Variants in IGF2R observed in about 807,000 individuals in gnomAD.
IGF2R encodes insulin like growth factor 2 receptor, also known as cation-independent mannose-6-phosphate receptor.
IGF2R carries 91 observed loss-of-function variants against 270.6 expected under a neutral mutation model. The observed-to-expected ratio is 0.34, with a 90% CI of 0.28 to 0.40. The LOEUF is 0.40. IGF2R is among the 10% of genes least tolerant of loss of function. The pLI is 1.00. For synonymous variants in IGF2R, 1,316 were observed against 1,258.9 expected, an observed-to-expected ratio of 1.05 and a Z score of -0.96; for missense variants, 2,805 against 3,188.3, an observed-to-expected ratio of 0.88 and a Z score of 2.90.
rs1282991821 is a variant in IGF2R at position 160,089,174 on chromosome 6, C to T, written c.6388C>T (p.Gln2130Ter). 2 of 1,613,936 alleles carry T rather than the reference C, an allele frequency of 1.2e-6. No homozygotes were observed. The highest frequency in any genetic ancestry group is 1.3e-5 in the African/African-American group (1 of 74,926). Residue 2130 changes from glutamine (Q) to a stop codon, truncating the protein, a stop_gained, in exon 43 of 48, where the codon CAG becomes TAG. Transcript: ENST00000356956. LOFTEE classifies it high-confidence loss of function. ...CCGGGCTGCCTGCGCCGTGAAGCCT[C>T]AGGAGGTGCAGATGGTGAATGGGAC... ...DSRAACAVKP[Q>*]EVQMVNGTIT...
chr6:160,034,148 T>C (rs8191768), intron 9 of IGF2R, among the ~76,000 whole-genome samples: 55 of 152,346 alleles, frequency 3.6e-4, no homozygotes, highest in African/African-American at 1.3e-3. Context: ...AATCTAAAAG[T>C]GAGAACAAGA....
chr6:160,048,615 C>A, intron 18 of IGF2R, 72 bp downstream of exon 18: 1 of 1,484,190 alleles, frequency 6.7e-7, no homozygotes, highest in Non-Finnish European at 9.2e-7. Flanking sequence ...GGTGGTTATT[C>A]TGGGACATCC....
chr6:160,078,462 G>A, intron 37 of IGF2R, 100 bp downstream of exon 37: 1 of 1,164,586 alleles, frequency 8.6e-7, no homozygotes, highest in South Asian at 1.4e-5. Flanking sequence ...CCTGTGAGCT[G>A]AGAGGGTGTA....
intron 36 of IGF2R, among the ~76,000 whole-genome samples, chr6:160,077,048 G>A (rs755049330): frequency 5.9e-5 from 9 of 152,158 alleles, no homozygotes; most frequent in Non-Finnish European, 1.0e-4. Context: ...AAGTGACCTG[G>A]CAGCCGCCTG....
chr6:159,990,958 C>A (rs953073996), intron 1 of IGF2R, among the ~76,000 whole-genome samples: 9 of 152,154 alleles, frequency 5.9e-5, no homozygotes, highest in African/African-American at 2.2e-4. Flanking sequence ...TCTTTGAGTC[C>A]TGAGGTAGCT....
At chr6:160,000,842 T>C (rs1784118374) in intron 2 of IGF2R, among the ~76,000 whole-genome samples, 2 of 150,824 alleles carry the variant, frequency 1.3e-5, no homozygotes, top group African/African-American at 2.4e-5. Flanking sequence ...TTTAAGCGAT[T>C]CTCCTGCTTC....
chr6:159,986,740 CT>C (rs34584468), intron 1 of IGF2R, among the ~76,000 whole-genome samples: 46,198 of 144,294 alleles, frequency 0.32, 7,341 homozygotes, highest in East Asian at 0.53. Context: ...ATATTGATCT[CT>C]TTTTTTTTTT....
rs1362340652 is a variant in IGF2R at position 160,068,324 on chromosome 6, G to A, written c.4191G>A (p.Thr1397=). The A allele has an allele frequency of 9.9e-6, 16 of 1,614,236 alleles. No homozygotes were observed. Among genetic ancestry groups the A allele is most frequent in the East Asian group, 2.2e-5 (1 of 44,888 alleles). Residue 1397 remains threonine, a synonymous_variant, in exon 30 of 48, where the codon ACG becomes ACA. Transcript: ENST00000356956. The part of the protein sequence containing the change: ...YSDNWEAITG[T]GDPEHYLINV... ...ACAACTGGGAAGCCATCACTGGGAC[G>A]GGGGACCCGGAGCACTACCTCATCA...
chr6:160,054,733 T>C (rs1420294215), intron 19 of IGF2R, among the ~76,000 whole-genome samples: 1 of 152,216 alleles, frequency 6.6e-6, no homozygotes, highest in Admixed American at 6.5e-5. Context: ...TATTTTCATT[T>C]CTTATTACCT....
intron 45 of IGF2R, among the ~76,000 whole-genome samples, chr6:160,099,460 A>G (rs1044814679): frequency 3.3e-5 from 5 of 152,032 alleles, no homozygotes; most frequent in African/African-American, 1.2e-4. Flanking sequence ...TCTGCCTCCC[A>G]GGTTCACGCC....
At position 160,102,604 on chromosome 6, in the gene IGF2R, C is replaced by T. The variant is rs1370534057; in HGVS notation, c.6928C>T (p.Leu2310Phe). 2.5e-6 allele frequency: 4 copies of T among 1,613,546 alleles called. No homozygotes were observed. Among genetic ancestry groups the T allele is most frequent in the Non-Finnish European group, 1.7e-6 (2 of 1,179,812 alleles). The part of the protein sequence containing the change: ...SERSQAVGAV[L>F]SLLLVALTCC... Reference sequence around the variant, plus strand: ...ACGGAGCCAGGCAGTCGGCGCGGTGCTCAGCCTGCTGCTGGTGGCGCTCAC... The same window carrying T: ...ACGGAGCCAGGCAGTCGGCGCGGTGTTCAGCCTGCTGCTGGTGGCGCTCAC... Residue 2310 changes from leucine to phenylalanine, a missense_variant, in exon 46 of 48, where the codon CTC becomes TTC. Physicochemically the swap from Leu to Phe is conservative, Grantham distance 22. Coordinates refer to ENST00000356956, the MANE Select transcript of IGF2R (RefSeq NM_000876.4). The surrounding 1 kb of genome is among the most constrained non-coding windows in gnomAD (Gnocchi z 4.5).
At position 160,047,873 on chromosome 6, in the gene IGF2R, GA is replaced by G; in HGVS notation, c.2312del (p.Asp771AlafsTer47). ...GGAGCCCCTGGAATGCGTAGTGACCGACCCCTCCACGCTGGAGCAGTACGAC... is the reference window on the plus strand; with the variant it reads ...GGAGCCCCTGGAATGCGTAGTGACCGCCCCTCCACGCTGGAGCAGTACGAC... The part of the protein sequence containing the change: ...PEEPLECVVT[D>X]PSTLEQYDLS... On this transcript the variant is annotated frameshift_variant, in exon 17 of 48. Coordinates refer to ENST00000356956, the MANE Select transcript of IGF2R (RefSeq NM_000876.4). LOFTEE classifies it high-confidence loss of function. 6.2e-7 allele frequency: 1 copy of G among 1,613,656 alleles called. No homozygotes were observed. Among genetic ancestry groups the G allele is most frequent in the Non-Finnish European group, 8.5e-7 (1 of 1,179,530 alleles).
intron 1 of IGF2R, among the ~76,000 whole-genome samples, chr6:159,990,113 A>G (rs1160723206): frequency 6.6e-6 from 1 of 152,220 alleles, no homozygotes; most frequent in East Asian, 1.9e-4. Context: ...TTCATGCCAT[A>G]GCTAGTTTTT....
chr6:160,054,792 A>T (rs1164090603), intron 19 of IGF2R, among the ~76,000 whole-genome samples: 1 of 152,142 alleles, frequency 6.6e-6, no homozygotes, highest in East Asian at 1.9e-4. Flanking sequence ...AAATTATCAA[A>T]TGGTTAGGAG....
At chr6:160,041,656 C>T (rs756189372) in intron 11 of IGF2R, among the ~76,000 whole-genome samples, 1 of 152,200 alleles carries the variant, frequency 6.6e-6, no homozygotes, top group African/African-American at 2.4e-5. Context: ...TTCTGAGTCC[C>T]ACCTGGTTTG....
intron 4 of IGF2R, among the ~76,000 whole-genome samples, chr6:160,021,407 C>T (rs1464546516): frequency 7.8e-6 from 1 of 128,942 alleles, no homozygotes; most frequent in Admixed American, 9.7e-5. Context: ...AACACATGGA[C>T]ACAGGAAGGG....
At position 160,103,760 on chromosome 6, in the gene IGF2R, G is replaced by C. The variant is rs763473911; in HGVS notation, c.7010G>C (p.Ser2337Thr). 6.2e-7 allele frequency: 1 copy of C among 1,609,800 alleles called. No homozygotes were observed. Among genetic ancestry groups the C allele is most frequent in the African/African-American group, 1.3e-5 (1 of 74,788 alleles). The change falls in exon 47 of 48, where the codon AGT becomes ACT. Residue 2337 changes from serine (S) to threonine (T), a missense_variant. Physicochemically the swap from Ser to Thr is moderately conservative, Grantham distance 58. Coordinates refer to ENST00000356956, the MANE Select transcript of IGF2R (RefSeq NM_000876.4). ...TTTTTTTATAGGGAAACAGTGATAA[G>C]TAAGCTGACCACTTGCTGTAGGAGA... ...YKKERRETVISKLTTCCRRSS... is the reference protein window; with the variant it reads ...YKKERRETVITKLTTCCRRSS...
In IGF2R at chr6:160,050,179, C is replaced by A. The variant is rs1026359339; in HGVS notation, c.2515-294C>A. Among the ~76,000 whole-genome samples, 8 of 152,190 alleles carry A rather than the reference C, an allele frequency of 5.3e-5. No homozygotes were observed. The South Asian group carries it at 1.7e-3, about 32-fold the overall frequency. ...ATGATTCCAATGCCAGTGATTCTTT[C>A]TGTAGCAATAATGGGGATGTGACTA... On this transcript the variant is annotated intron_variant, in intron 18 of 47. Coordinates refer to ENST00000356956, the MANE Select transcript of IGF2R (RefSeq NM_000876.4). This position sits in a 1 kb window ranked among gnomAD's most constrained non-coding sequence, Gnocchi z 4.0.
chr6:160,086,616 C>T (rs757986419), intron 41 of IGF2R, among the ~76,000 whole-genome samples: 3 of 152,146 alleles, frequency 2.0e-5, no homozygotes, highest in Non-Finnish European at 4.4e-5. Context: ...CTTGTTTGAT[C>T]CCATATGCCA....
Sources: allele counts gnomAD v4.1 joint callset (sites outside exome capture counted in the v4.1 genomes callset), GRCh38; gene constraint gnomAD v4.1.1; non-coding constraint Gnocchi (gnomAD v3.1); transcripts MANE v1.5; gene names NCBI Gene and HGNC (gene_info 2026-07-23, HGNC 2026-07-21).